SYT14: variants seen among roughly 807,000 people sequenced by gnomAD.
SYT14 encodes the protein synaptotagmin-14.
Under a neutral mutation model 74.2 loss-of-function variants are expected in SYT14, and 32 were observed. The ratio of observed to expected loss-of-function variants is 0.43; its 90% CI spans 0.33 to 0.58. The LOEUF is 0.58. SYT14 is among the 20% of genes least tolerant of loss of function. SYT14 has a pLI of 0.05. For synonymous variants in SYT14, 298 were observed against 337.7 expected, an observed-to-expected ratio of 0.88 and a Z score of 1.29; for missense variants, 791 against 981.8, an observed-to-expected ratio of 0.81 and a Z score of 2.60.
At chr1:209,985,105 A>G (rs1303457171) in intron 2 of SYT14, among the ~76,000 whole-genome samples, 1 of 152,162 alleles carries the variant, frequency 6.6e-6, no homozygotes, top group Non-Finnish European at 1.5e-5. Flanking sequence ...GCTAAATATA[A>G]TCAGGCCTTT....
chr1:209,999,841 C>T (rs1320977469), intron 2 of SYT14, among the ~76,000 whole-genome samples: 1 of 152,036 alleles, frequency 6.6e-6, no homozygotes, highest in East Asian at 1.9e-4. Context: ...TGTTCAGTAG[C>T]AGAGCAGGGT....
At position 209,978,906 on chromosome 1, in the gene SYT14, G is replaced by A. The variant is rs539715137; in HGVS notation, c.-486+26150G>A. 1.5e-3 allele frequency among the ~76,000 whole-genome samples: 227 copies of A among 152,308 alleles called. 1 individual carries two copies. The highest frequency in any genetic ancestry group is 5.0e-3 in the African/African-American group (207 of 41,576). ...TACCTACTCAAGCCTGGGCAGTGGC[G>A]GGCGCCCCTCCCCCAGCCTCGCTGC... On this transcript the variant is annotated intron_variant, in intron 2 of 9. Transcript: ENST00000637265.
At chr1:210,089,450 G>A (rs961731765) in intron 5 of SYT14, among the ~76,000 whole-genome samples, 20 of 152,116 alleles carry the variant, frequency 1.3e-4, no homozygotes, top group Non-Finnish European at 2.2e-4. Context: ...TTGAGGGATC[G>A]CCACACTGTC....
At chr1:210,010,368 A>C (rs954678764) in intron 2 of SYT14, among the ~76,000 whole-genome samples, 1 of 152,178 alleles carries the variant, frequency 6.6e-6, no homozygotes, top group Admixed American at 6.5e-5. Flanking sequence ...GTGCTGTCCT[A>C]GGTACTTTGA....
At chr1:210,016,443 T>C in exon 4 of SYT14, 3 of 1,232,064 alleles carry the variant, frequency 2.4e-6, no homozygotes, top group Non-Finnish European at 2.0e-6. Context: ...AAAGGCTACA[T>C]GAATAATGGT....
At chr1:209,938,487 C>T (rs1045672952) in intron 1 of SYT14, among the ~76,000 whole-genome samples, 6 of 151,990 alleles carry the variant, frequency 3.9e-5, no homozygotes, top group African/African-American at 1.2e-4. Context: ...TCGCTCGCCC[C>T]GGCCTTCGTG....
At chr1:210,028,520 C>G (rs1328702242) in intron 5 of SYT14, among the ~76,000 whole-genome samples, 1 of 152,078 alleles carries the variant, frequency 6.6e-6, no homozygotes, top group Non-Finnish European at 1.5e-5. Flanking sequence ...TGGAATCATA[C>G]CCTATTTGTC....
chr1:210,148,595 C>G lies in SYT14; in HGVS notation c.2035-7126C>G, dbSNP rs6694317. ...GACTCTAGGAAAATAAATTTGAAAA[C>G]AAAATGTACAATTTTCTTGAAACAT... On this transcript the variant is annotated intron_variant, in intron 7 of 9. Coordinates refer to ENST00000637265, the Ensembl canonical transcript of SYT14. Among the ~76,000 whole-genome samples, 617 of 149,908 alleles carry G rather than the reference C, an allele frequency of 4.1e-3. 8 individuals are homozygous for G. The highest frequency in any genetic ancestry group is 0.014 in the African/African-American group (581 of 40,904).
intron 5 of SYT14, among the ~76,000 whole-genome samples, chr1:210,062,100 C>T (rs1313989574): frequency 6.6e-6 from 1 of 151,760 alleles, no homozygotes; most frequent in Non-Finnish European, 1.5e-5. Context: ...TTAAAGGCAG[C>T]TTTGACTTAG....
intron 5 of SYT14, among the ~76,000 whole-genome samples, chr1:210,044,521 C>T (rs756984445): frequency 1.8e-4 from 27 of 152,146 alleles, no homozygotes; most frequent in African/African-American, 4.1e-4. Flanking sequence ...GTTTCAGCAT[C>T]GAAACTTATT....
intron 5 of SYT14, among the ~76,000 whole-genome samples, chr1:210,045,894 A>G (rs1325581986): frequency 6.6e-6 from 1 of 152,182 alleles, no homozygotes; most frequent in Non-Finnish European, 1.5e-5. Flanking sequence ...CAGAAATTTA[A>G]CAATTTTATT....
chr1:209,976,118 C>A (rs548371978), intron 2 of SYT14, among the ~76,000 whole-genome samples: 1 of 151,896 alleles, frequency 6.6e-6, no homozygotes, highest in Non-Finnish European at 1.5e-5. Flanking sequence ...GTCTTGCTAG[C>A]GGTTTATCAA....
At chr1:210,153,346 T>C (rs1040939024) in intron 7 of SYT14, among the ~76,000 whole-genome samples, 4 of 152,146 alleles carry the variant, frequency 2.6e-5, no homozygotes, top group Admixed American at 2.6e-4. Context: ...CAAAGAAACC[T>C]GCCGATATTT....
chr1:209,987,710 CT>C (rs1323232026), intron 2 of SYT14, among the ~76,000 whole-genome samples: 1 of 152,168 alleles, frequency 6.6e-6, no homozygotes, highest in Non-Finnish European at 1.5e-5. Flanking sequence ...AAAATTTCAC[CT>C]TTTGCTTTTC....
intron 7 of SYT14, among the ~76,000 whole-genome samples, chr1:210,112,765 TGC>T (rs2082287744): frequency 6.6e-6 from 1 of 151,272 alleles, no homozygotes; most frequent in African/African-American, 2.5e-5. Context: ...GGAGGACCCT[TGC>T]GTAGTGAGGA....
At chr1:209,961,701 A>T (rs528202991) in intron 2 of SYT14, among the ~76,000 whole-genome samples, 1 of 152,140 alleles carries the variant, frequency 6.6e-6, no homozygotes, top group South Asian at 2.1e-4. Context: ...TGGAACTTGT[A>T]GACTCTTACT....
chr1:210,159,593 A>G (rs1177301066), intron 9 of SYT14, 116 bp downstream of exon 8: 10 of 844,284 alleles, frequency 1.2e-5, no homozygotes, highest in Non-Finnish European at 2.0e-5. Context: ...ATGCACATTT[A>G]TTATCTGTGG....
chr1:210,019,875 G>A (rs2080266887), intron 4 of SYT14, among the ~76,000 whole-genome samples: 1 of 152,046 alleles, frequency 6.6e-6, no homozygotes, highest in African/African-American at 2.4e-5. Flanking sequence ...GTTTCAAAGT[G>A]GTTACCTTTT....
intron 5 of SYT14, among the ~76,000 whole-genome samples, chr1:210,088,903 A>ATT (rs2081801429): frequency 1.3e-5 from 2 of 151,718 alleles, no homozygotes; most frequent in African/African-American, 4.8e-5. Flanking sequence ...ATTATACTTT[A>ATT]AGTTCTGGGA....
Sources: allele counts gnomAD v4.1 joint callset (sites outside exome capture counted in the v4.1 genomes callset), GRCh38; gene constraint gnomAD v4.1.1; transcripts MANE v1.5; gene names NCBI Gene and HGNC (gene_info 2026-07-23, HGNC 2026-07-21).